The following KDM4C variants were observed in gnomAD, a reference collection of about 807,000 sequenced individuals.
KDM4C encodes lysine-specific demethylase 4C.
Under a neutral mutation model 129.3 loss-of-function variants are expected in KDM4C, and 81 were observed. The ratio of observed to expected loss-of-function variants is 0.63; its 90% CI spans 0.52 to 0.75. KDM4C has a LOEUF of 0.75. Ranked by LOEUF, KDM4C falls within the 30% of genes least tolerant of loss-of-function variation. The pLI is 0.00. For synonymous variants in KDM4C, 573 were observed against 456.1 expected (o/e 1.26, Z -3.26); for missense variants, 1,457 against 1,304.0 (o/e 1.12, Z -1.81).
intron 8 of KDM4C, among the ~76,000 whole-genome samples, chr9:6,906,992 C>G (rs1442501323): frequency 6.6e-6 from 1 of 152,134 alleles, no homozygotes; most frequent in South Asian, 2.1e-4. Context: ...AGAAACTATT[C>G]TCGTAACCAG....
At position 6,734,174 on chromosome 9, in the gene KDM4C, A is replaced by C. The variant is rs547257357; in HGVS notation, c.49+13177A>C. ...CACACACAACTTAACAAGGCACCTT[A>C]ATTTAGTGATTAAATGCAGCTGTCC... On this transcript the variant is annotated intron_variant, in intron 1 of 17. Coordinates refer to the KDM4C transcript ENST00000536108. 2.1e-4 allele frequency among the ~76,000 whole-genome samples: 32 copies of C among 152,126 alleles called. No homozygotes were observed. In the South Asian group the frequency reaches 4.4e-3, roughly 21 times the overall value.
chr9:7,135,935 A>T (rs1841158570), intron 19 of KDM4C, among the ~76,000 whole-genome samples: 1 of 152,190 alleles, frequency 6.6e-6, no homozygotes, highest in Non-Finnish European at 1.5e-5. Context: ...CTCCACACTG[A>T]TGCAGTTATA....
intron 19 of KDM4C, among the ~76,000 whole-genome samples, chr9:7,139,344 C>G (rs1187119276): frequency 3.3e-5 from 5 of 152,092 alleles, no homozygotes; most frequent in Non-Finnish European, 4.4e-5. Context: ...ATTCTTTTCC[C>G]CTGAGTAACA....
chr9:6,774,002 C>G (rs1438165601), intron 1 of KDM4C, among the ~76,000 whole-genome samples: 1 of 152,056 alleles, frequency 6.6e-6, no homozygotes, highest in Non-Finnish European at 1.5e-5. Flanking sequence ...ATTCTCCTTT[C>G]TCAGCCTCTT....
intron 4 of KDM4C, among the ~76,000 whole-genome samples, chr9:6,845,044 A>T (rs1334969700): frequency 1.3e-5 from 2 of 152,174 alleles, no homozygotes; most frequent in Non-Finnish European, 2.9e-5. Flanking sequence ...TTGAGCTACT[A>T]TGATTTTCAC....
intron 1 of KDM4C, among the ~76,000 whole-genome samples, chr9:6,744,263 T>C (rs532679547): frequency 4.6e-5 from 7 of 152,232 alleles, no homozygotes; most frequent in East Asian, 3.9e-4. Context: ...CAGTGGCTCA[T>C]GCCTGTAATC....
intron 19 of KDM4C, among the ~76,000 whole-genome samples, chr9:7,157,444 G>T (rs1025113191): frequency 8.5e-5 from 13 of 152,158 alleles, no homozygotes; most frequent in Non-Finnish European, 1.5e-4. Context: ...TTTTTAAAGG[G>T]AATGCTTCCA....
At chr9:7,157,196 T>G (rs927510621) in intron 19 of KDM4C, among the ~76,000 whole-genome samples, 1 of 152,240 alleles carries the variant, frequency 6.6e-6, no homozygotes, top group African/African-American at 2.4e-5. Flanking sequence ...TTTTTGCACA[T>G]TGATTTTGTA....
chr9:7,172,077 C>G (rs1215823655), intron 21 of KDM4C, among the ~76,000 whole-genome samples: 1 of 151,550 alleles, frequency 6.6e-6, no homozygotes, highest in African/African-American at 2.4e-5. Context: ...ATGATTATTA[C>G]TATTTTTTTT....
intron 18 of KDM4C, among the ~76,000 whole-genome samples, chr9:7,107,307 T>C (rs941917661): frequency 7.2e-5 from 11 of 152,376 alleles, no homozygotes; most frequent in African/African-American, 2.6e-4. Context: ...ATAGTAGTTA[T>C]GAAACTGGAA....
intron 4 of KDM4C, among the ~76,000 whole-genome samples, chr9:6,839,406 T>C (rs1836486938): frequency 6.7e-6 from 1 of 149,808 alleles, no homozygotes; most frequent in Admixed American, 6.6e-5. Context: ...GTTTTTTTTT[T>C]TTTTTTTTTT....
At chr9:6,748,847 G>A (rs1199597105) in intron 1 of KDM4C, 17 of 1,100,260 alleles carry the variant, frequency 1.5e-5, no homozygotes, top group Non-Finnish European at 2.4e-5. Flanking sequence ...CAATGATACA[G>A]CCTTCTATCT....
chr9:6,749,964 C>G (rs1267897545), intron 1 of KDM4C, among the ~76,000 whole-genome samples: 4 of 94,686 alleles, frequency 4.2e-5, no homozygotes, highest in Non-Finnish European at 3.9e-5. Flanking sequence ...CCAGCCTGGG[C>G]AACAACAGTG....
chr9:6,876,064 G>T (rs1843503381), intron 5 of KDM4C, among the ~76,000 whole-genome samples: 1 of 152,108 alleles, frequency 6.6e-6, no homozygotes, highest in Admixed American at 6.6e-5. Flanking sequence ...CCGATGGGTT[G>T]CAAAAAGGTA....
At chr9:7,144,060 A>T (rs1842002460) in intron 19 of KDM4C, among the ~76,000 whole-genome samples, 1 of 151,324 alleles carries the variant, frequency 6.6e-6, no homozygotes, top group South Asian at 2.1e-4. Context: ...GATATCCTGA[A>T]TTACTTCATT....
chr9:7,169,049 TAAAA>T (rs77258477), intron 20 of KDM4C, among the ~76,000 whole-genome samples: 3 of 128,078 alleles, frequency 2.3e-5, no homozygotes, highest in African/African-American at 8.8e-5. Context: ...TGTCTCAATT[TAAAA>T]AAAAAAAAAA....
intron 4 of KDM4C, among the ~76,000 whole-genome samples, chr9:6,839,354 C>A (rs887283556): frequency 6.6e-6 from 1 of 151,120 alleles, no homozygotes; most frequent in African/African-American, 2.4e-5. Context: ...GTCAACTTTC[C>A]TAGTAGCTGG....
At chr9:6,872,760 G>T (rs1423693303) in intron 5 of KDM4C, among the ~76,000 whole-genome samples, 1 of 151,988 alleles carries the variant, frequency 6.6e-6, no homozygotes, top group Non-Finnish European at 1.5e-5. Context: ...AGCCTGTGTG[G>T]GTCTTTGCAC....
chr9:6,936,306 T>G (rs1399169065), intron 8 of KDM4C, among the ~76,000 whole-genome samples: 1 of 152,238 alleles, frequency 6.6e-6, no homozygotes, highest in African/African-American at 2.4e-5. Flanking sequence ...TGCATGTCTA[T>G]TTTTAAAAAT....
Sources: gnomAD v4.1 joint callset for allele counts (sites outside exome capture counted in the v4.1 genomes callset) on GRCh38, gnomAD v4.1.1 for gene constraint, MANE v1.5 for transcripts, NCBI Gene and HGNC (gene_info 2026-07-23, HGNC 2026-07-21) for gene names.